The following FBXL4 variants were observed in gnomAD, a reference collection of about 807,000 sequenced individuals.
The protein encoded by FBXL4 is F-box/LRR-repeat protein 4.
Under a neutral mutation model 58.9 loss-of-function variants are expected in FBXL4, and 40 were observed. The observed-to-expected ratio is 0.68, with a 90% confidence interval of 0.53 to 0.88. FBXL4 has a LOEUF of 0.88. Ranked by LOEUF, FBXL4 falls within the 40% of genes least tolerant of loss-of-function variation. The probability of loss-of-function intolerance (pLI) is 0.00; values close to 1 mark genes in which losing one functional copy is unlikely to be tolerated. For synonymous variants in FBXL4, 263 were observed against 265.5 expected (o/e 0.99, Z 0.09); for missense variants, 676 against 734.4 (o/e 0.92, Z 0.92).
In FBXL4 at chr6:98,871,990, C is replaced by T. The variant is rs900774762; in HGVS notation, c.*2288G>A. ...TTGAAATGAATTCAAGCCAAAATTA[C>T]AAGGCAAAACGTGTTTACAAGCAAA... On this transcript the variant is annotated 3_prime_UTR_variant, in exon 10 of 10. Transcript: ENST00000369244. The T allele has an allele frequency of 6.6e-6, 1 of 152,164 alleles. No individual in the cohort carries two copies. Among genetic ancestry groups the T allele is most frequent in the African/African-American group, 2.4e-5 (1 of 41,434 alleles). 9.4% of individuals were successfully genotyped at this position (152,164 alleles called of 1,614,324 possible). A position where few individuals can be genotyped will look rare whatever the true frequency, so the allele number is the denominator to read the frequency against.
chr6:98,911,281 C>T (rs1206341313), intron 5 of FBXL4, among the ~76,000 whole-genome samples: 2 of 152,190 alleles, frequency 1.3e-5, no homozygotes, highest in Non-Finnish European at 2.9e-5. Flanking sequence ...CAGCAGTAAC[C>T]TCTGCAGACT....
In FBXL4 at chr6:98,872,125, T is replaced by A. The variant is rs1377655754; in HGVS notation, c.*2153A>T. The A allele has an allele frequency of 6.6e-6, 1 of 152,196 alleles. No individual in the cohort carries two copies. The highest frequency in any genetic ancestry group is 1.5e-5 in the Non-Finnish European group (1 of 68,020). The allele number at this position is 152,196 out of a possible 1,614,324, so 9.4% of individuals were successfully genotyped here. ...AGACAAAGAAGCGAGATCTCCACTC[T>A]CACACAAATTTGTAGCTCACACCAT... On this transcript the variant is annotated 3_prime_UTR_variant, in exon 10 of 10. Coordinates refer to ENST00000369244, the MANE Select transcript of FBXL4 (RefSeq NM_001278716.2).
chr6:98,904,594 T>C (rs1014985599), intron 6 of FBXL4, among the ~76,000 whole-genome samples: 71 of 152,292 alleles, frequency 4.7e-4, no homozygotes, highest in African/African-American at 1.7e-3. Context: ...GGGATATGTG[T>C]AGGGATTGCT....
chr6:98,914,123 T>C (rs1407334908), intron 5 of FBXL4, among the ~76,000 whole-genome samples: 2 of 152,122 alleles, frequency 1.3e-5, no homozygotes, highest in Non-Finnish European at 2.9e-5. Flanking sequence ...CAGGAAGAAG[T>C]TGAATCTCTG....
chr6:98,876,942 T>C (rs1373694034), intron 8 of FBXL4, among the ~76,000 whole-genome samples: 1 of 152,074 alleles, frequency 6.6e-6, no homozygotes, highest in Non-Finnish European at 1.5e-5. Flanking sequence ...ATATTATTAT[T>C]TACATAAAAA....
intron 7 of FBXL4, chr6:98,898,536 C>A (rs948958887): frequency 2.2e-6 from 2 of 898,922 alleles, no homozygotes; most frequent in Non-Finnish European, 2.7e-6. Flanking sequence ...ACTGGTCAGG[C>A]GGAGGTTTCA....
At chr6:98,944,703 T>C (rs1262212428) in intron 1 of FBXL4, among the ~76,000 whole-genome samples, 3 of 152,142 alleles carry the variant, frequency 2.0e-5, no homozygotes, top group Non-Finnish European at 2.9e-5. Flanking sequence ...TTGTTTACCA[T>C]GTGGGAAAAT....
intron 2 of FBXL4, among the ~76,000 whole-genome samples, chr6:98,931,901 G>C (rs565890408): frequency 3.3e-5 from 5 of 152,190 alleles, no homozygotes; most frequent in African/African-American, 1.2e-4. Context: ...TTGTCCAGGC[G>C]CTGTCTGGAC....
chr6:98,909,952 G>A (rs1262575961), intron 5 of FBXL4, among the ~76,000 whole-genome samples: 2 of 152,184 alleles, frequency 1.3e-5, no homozygotes, highest in East Asian at 3.9e-4. Flanking sequence ...ACTGTAATAT[G>A]TTGGAGAGGC....
At chr6:98,901,319 T>C (rs1251843779) in intron 6 of FBXL4, among the ~76,000 whole-genome samples, 2 of 151,828 alleles carry the variant, frequency 1.3e-5, no homozygotes, top group African/African-American at 4.8e-5. Flanking sequence ...GGAAGGGCAG[T>C]CCAGGGCAGG....
intron 7 of FBXL4, among the ~76,000 whole-genome samples, chr6:98,881,020 G>A (rs1253805405): frequency 6.6e-6 from 1 of 152,136 alleles, no homozygotes; most frequent in African/African-American, 2.4e-5. Context: ...GCAGCAGGCT[G>A]GTGACACTCC....
At chr6:98,896,773 A>C in intron 7 of FBXL4, 1 of 946,474 alleles carries the variant, frequency 1.1e-6, no homozygotes, top group Non-Finnish European at 1.3e-6. Context: ...TCATACAATG[A>C]TTTTACATCT....
chr6:98,875,901 A>G (rs1412834639), intron 8 of FBXL4, among the ~76,000 whole-genome samples, 174 bp from the exon 9 acceptor site: 1 of 152,190 alleles, frequency 6.6e-6, no homozygotes, highest in Admixed American at 6.5e-5. Flanking sequence ...GTTTCATAAA[A>G]CAGCCAGGAG....
intron 7 of FBXL4, among the ~76,000 whole-genome samples, chr6:98,892,473 G>A (rs1324259310): frequency 6.6e-6 from 1 of 152,144 alleles, no homozygotes; most frequent in East Asian, 1.9e-4. Context: ...GCTCATCCCT[G>A]CTCTACTTAC....
Position 98,905,540 on chromosome 6 carries a change from G to T in FBXL4, c.989C>A (p.Ala330Glu), listed in dbSNP as rs368886622. The T allele has an allele frequency of 6.2e-7, 1 of 1,613,980 alleles. No individual in the cohort carries two copies. The highest frequency in any genetic ancestry group is 8.5e-7 in the Non-Finnish European group (1 of 1,179,946). The part of the protein sequence containing the change: ...YIHLNLQPYW[A>E]KLDDTSLEFL... Reference sequence around the variant, plus strand: ...TTCCAGAGAAGTGTCATCTAGTTTTGCCCAGTATGGTTGCAGATTGAGGTG... The same window carrying T: ...TTCCAGAGAAGTGTCATCTAGTTTTTCCCAGTATGGTTGCAGATTGAGGTG... The change falls in exon 6 of 10, where the codon GCA becomes GAA. Residue 330 changes from alanine to glutamate, a missense_variant. Coordinates refer to ENST00000369244, the MANE Select transcript of FBXL4 (RefSeq NM_001278716.2).
chr6:98,928,416 C>T (rs1032994153), intron 2 of FBXL4, among the ~76,000 whole-genome samples: 2 of 151,948 alleles, frequency 1.3e-5, no homozygotes, highest in South Asian at 2.1e-4. Context: ...GTAACCTCTG[C>T]CTCCTGGTTT....
chr6:98,939,645 T>G (rs544412864), intron 1 of FBXL4, among the ~76,000 whole-genome samples: 1 of 152,352 alleles, frequency 6.6e-6, no homozygotes, highest in East Asian at 1.9e-4. Flanking sequence ...AGCTGCAGAC[T>G]GTAATCTATG....
rs1772795662 is a variant in FBXL4 at position 98,926,739 on chromosome 6, C to T, written c.250G>A (p.Val84Ile). ...GTAAAGTCACCAGAACTTGGGAATA[C>T]ATTTGGTACACCAGCCAAATTCCAC... ...TMWNLAGVPNVFPSSGDFTQT... is the reference protein window; with the variant it reads ...TMWNLAGVPNIFPSSGDFTQT... Residue 84 changes from valine to isoleucine, a missense_variant, in exon 4 of 10, where the codon GTA (valine) becomes ATA (isoleucine). Transcript: ENST00000369244. 1.9e-6 allele frequency: 3 copies of T among 1,614,188 alleles called. No individual in the cohort carries two copies. The highest frequency in any genetic ancestry group is 2.2e-5 in the East Asian group (1 of 44,880).
chr6:98,925,056 ACTG>A, intron 4 of FBXL4, among the ~76,000 whole-genome samples: 1 of 152,258 alleles, frequency 6.6e-6, no homozygotes, highest in Admixed American at 6.5e-5. Flanking sequence ...AGTCCTAGAA[ACTG>A]CTAAGATCCA....
Sources: gnomAD v4.1 joint callset for allele counts (sites outside exome capture counted in the v4.1 genomes callset) on GRCh38, gnomAD v4.1.1 for gene constraint, MANE v1.5 for transcripts, NCBI Gene and HGNC (gene_info 2026-07-23, HGNC 2026-07-21) for gene names.